Variants in BACH1 observed in about 807,000 individuals in gnomAD.
BACH1 encodes the protein transcription regulator protein BACH1.
In BACH1, 35 loss-of-function variants were observed where a neutral mutation model predicts 52.9. The observed-to-expected ratio is 0.66, with a 90% CI of 0.51 to 0.88. BACH1 has a LOEUF of 0.88. Ranked by LOEUF, BACH1 falls within the 40% of genes least tolerant of loss-of-function variation. The pLI, the probability that BACH1 is intolerant of heterozygous loss-of-function variation, is 0.00. For synonymous variants in BACH1, 321 were observed against 319.6 expected (o/e 1.00, Z -0.05); for missense variants, 808 against 872.6 (o/e 0.93, Z 0.93).
intron 1 of BACH1, among the ~76,000 whole-genome samples, chr21:29,304,683 C>T (rs1249427279): frequency 6.6e-6 from 1 of 152,060 alleles, no homozygotes; most frequent in Non-Finnish European, 1.5e-5. Flanking sequence ...GTTATCTCTT[C>T]TTTTTATTGA....
downstream of BACH1, among the ~76,000 whole-genome samples, chr21:29,348,493 C>T (rs1435592308): frequency 6.6e-6 from 1 of 152,100 alleles, no homozygotes; most frequent in Non-Finnish European, 1.5e-5. Context: ...GTTTCAGTTC[C>T]CCAAAGATGC....
At chr21:29,314,800 A>G (rs898037438) in intron 1 of BACH1, among the ~76,000 whole-genome samples, 3 of 152,110 alleles carry the variant, frequency 2.0e-5, no homozygotes, top group African/African-American at 7.2e-5. Flanking sequence ...ACCTTATCCA[A>G]TAATACTTAA....
At chr21:29,334,406 A>C (rs1752335504) in intron 4 of BACH1, among the ~76,000 whole-genome samples, 1 of 152,142 alleles carries the variant, frequency 6.6e-6, no homozygotes, top group Non-Finnish European at 1.5e-5. Flanking sequence ...CCGACTTTTA[A>C]AACTAACAAT....
intron 2 of BACH1, among the ~76,000 whole-genome samples, chr21:29,358,808 AAGAAAG>A (rs2089253628): frequency 7.6e-6 from 1 of 131,628 alleles, no homozygotes; most frequent in African/African-American, 2.6e-5. Context: ...GAAAGAAAGA[AAGAAAG>A]AAGAAAGAAA....
intron 2 of BACH1, among the ~76,000 whole-genome samples, chr21:29,322,166 G>T (rs117284948): frequency 2.6e-4 from 40 of 152,208 alleles, no homozygotes; most frequent in East Asian, 1.9e-3. Flanking sequence ...CTCCCATTGG[G>T]TCCCTCCCAT....
intron 4 of BACH1, among the ~76,000 whole-genome samples, chr21:29,341,956 T>G (rs1257520406): frequency 6.6e-6 from 1 of 152,224 alleles, no homozygotes; most frequent in Admixed American, 6.5e-5. Context: ...ATACCTGTTA[T>G]GTACAGTCTG....
intron 2 of BACH1, among the ~76,000 whole-genome samples, chr21:29,356,182 A>T (rs1313450796): frequency 6.6e-6 from 1 of 152,184 alleles, no homozygotes; most frequent in Non-Finnish European, 1.5e-5. Context: ...TATTAGTTGT[A>T]TGGCTCTGCA....
chr21:29,344,890 T>A lies in BACH1; in HGVS notation c.*2057T>A, dbSNP rs919342650. ...ATGTCAAATAATCTTTTGCTTTAATTGCTACTGTACTTGCTTTGAAAGATT... is the reference window on the plus strand; with the variant it reads ...ATGTCAAATAATCTTTTGCTTTAATAGCTACTGTACTTGCTTTGAAAGATT... On this transcript the variant is annotated 3_prime_UTR_variant, in exon 5 of 5. Coordinates refer to ENST00000286800, the MANE Select transcript of BACH1 (RefSeq NM_001186.4). 34 of 152,746 alleles carry A rather than the reference T, an allele frequency of 2.2e-4. No individual in the cohort carries two copies. Among genetic ancestry groups the A allele is most frequent in the Admixed American group, 1.8e-3 (28 of 15,306 alleles). The allele number at this position is 152,746 out of a possible 1,614,324, so 9.5% of individuals were successfully genotyped here. A position where few individuals can be genotyped will look rare whatever the true frequency, so the allele number is the denominator to read the frequency against.
intron 2 of BACH1, chr21:29,351,915 A>T (rs2089204531): frequency 8.1e-6 from 3 of 370,876 alleles, no homozygotes; most frequent in Admixed American, 3.5e-5. Context: ...TAGGTTGAGT[A>T]TGAAGTATGC....
chr21:29,350,485 A>C (rs926606698), downstream of BACH1, among the ~76,000 whole-genome samples: 2 of 152,226 alleles, frequency 1.3e-5, no homozygotes, highest in African/African-American at 4.8e-5. Flanking sequence ...TGACCTTATC[A>C]GGTTGTTTCT....
chr21:29,333,879 TA>T (rs1331430018), intron 4 of BACH1, among the ~76,000 whole-genome samples: 1 of 152,202 alleles, frequency 6.6e-6, no homozygotes, highest in East Asian at 1.9e-4. Context: ...GTAAATAAGG[TA>T]TTTCTCAACA....
At chr21:29,332,742 C>T (rs1471265390) in intron 4 of BACH1, among the ~76,000 whole-genome samples, 1 of 152,226 alleles carries the variant, frequency 6.6e-6, no homozygotes, top group African/African-American at 2.4e-5. Flanking sequence ...GGGACTAATC[C>T]AGTCAGAGAC....
intron 2 of BACH1, among the ~76,000 whole-genome samples, chr21:29,358,812 A>AAGAAAGAAAG (rs370582692): frequency 0.07 from 10,253 of 145,444 alleles, 578 homozygotes; most frequent in Non-Finnish European, 0.099. Context: ...GAAAGAAAGA[A>AAGAAAGAAAG]AGAAGAAAGA....
In BACH1 at chr21:29,327,302, C is replaced by T. The variant is rs779363849; in HGVS notation, c.1478C>T (p.Pro493Leu). 3 of 1,614,150 alleles carry T rather than the reference C, an allele frequency of 1.9e-6. No homozygotes were observed. The highest frequency in any genetic ancestry group is 2.2e-5 in the East Asian group (1 of 44,882). Residue 493 changes from proline (P) to leucine (L), a missense_variant, in exon 3 of 5, where the codon CCA (proline) becomes CTA (leucine). Physicochemically the swap from Pro to Leu is moderately conservative, Grantham distance 98. Transcript: ENST00000286800. ...YVSEPQQEPC[P>L]YACVISLGDD... is the part of the protein sequence containing the mutation. ...TCAGAACCCCAGCAAGAACCTTGCCCATATGCTTGTGTCATTAGCTTGGGA... is the reference window on the plus strand; with the variant it reads ...TCAGAACCCCAGCAAGAACCTTGCCTATATGCTTGTGTCATTAGCTTGGGA...
In BACH1 at chr21:29,343,111, TC is replaced by T. The variant is rs1191757134; in HGVS notation, c.*280del. 4.1e-6 allele frequency: 1 copy of T among 241,390 alleles called. No homozygotes were observed. Among genetic ancestry groups the T allele is most frequent in the Non-Finnish European group, 8.1e-6 (1 of 123,602 alleles). 15.0% of individuals were successfully genotyped at this position (241,390 alleles called of 1,614,324 possible). On this transcript the variant is annotated 3_prime_UTR_variant, in exon 5 of 5. Coordinates refer to ENST00000286800, the MANE Select transcript of BACH1 (RefSeq NM_001186.4). ...GAATAATAACTCTAGTAATAACTCT[TC>T]CTGCTATTCAGAATAAGTAGGAGAA...
intron 2 of BACH1, chr21:29,361,476 G>A (rs1163646974): frequency 6.6e-6 from 1 of 152,214 alleles, no homozygotes. Flanking sequence ...AATTGTTAAT[G>A]TTTTGATACT....
chr21:29,303,295 G>C (rs1177973580), intron 1 of BACH1, among the ~76,000 whole-genome samples: 1 of 152,218 alleles, frequency 6.6e-6, no homozygotes, highest in Non-Finnish European at 1.5e-5. Context: ...CAGAAAGGTT[G>C]TGTTATTTTG....
chr21:29,321,639 C>CA, intron 2 of BACH1, 125 bp downstream of exon 2: 2 of 701,136 alleles, frequency 2.9e-6, no homozygotes, highest in Non-Finnish European at 4.3e-6. Flanking sequence ...AGGTTCTGTG[C>CA]AACCCCTTTT....
intron 4 of BACH1, among the ~76,000 whole-genome samples, chr21:29,331,852 ATT>A (rs1214592349): frequency 6.6e-6 from 1 of 152,202 alleles, no homozygotes; most frequent in Admixed American, 6.5e-5. Flanking sequence ...AATACTATGT[ATT>A]TTTTATTATT....
Sources: gnomAD v4.1 joint callset for allele counts (sites outside exome capture counted in the v4.1 genomes callset) on GRCh38, gnomAD v4.1.1 for gene constraint, MANE v1.5 for transcripts, NCBI Gene and HGNC (gene_info 2026-07-23, HGNC 2026-07-21) for gene names.